SLC14A2: variants seen among roughly 807,000 people sequenced by gnomAD.
The protein encoded by SLC14A2 is solute carrier family 14 member 2, also known as urea transporter 2.
SLC14A2 carries 91 observed loss-of-function variants against 104.6 expected under a neutral mutation model. That is an observed-to-expected ratio of 0.87 (90% CI 0.73 to 1.04). SLC14A2 has a LOEUF of 1.04. Ranked by LOEUF, SLC14A2 falls within the 50% of genes least tolerant of loss-of-function variation. The pLI, the probability that SLC14A2 is intolerant of heterozygous loss-of-function variation, is 0.00. For synonymous variants in SLC14A2, 476 were observed against 466.4 expected (o/e 1.02, Z -0.27); for missense variants, 1,189 against 1,156.0 (o/e 1.03, Z -0.41).
At chr18:45,631,653 G>T (rs2045347563) in intron 4 of SLC14A2, among the ~76,000 whole-genome samples, 4 of 152,216 alleles carry the variant, frequency 2.6e-5, no homozygotes, top group South Asian at 2.1e-4. Flanking sequence ...GTCTTGCTTT[G>T]TCACCCAGGC....
At chr18:45,645,149 G>A (rs921190636) in intron 10 of SLC14A2, among the ~76,000 whole-genome samples, 8 of 152,142 alleles carry the variant, frequency 5.3e-5, no homozygotes, top group Admixed American at 2.6e-4. Context: ...AGTTTGCTGA[G>A]AATGATGGCT....
the SLC14A2 span, among the ~76,000 whole-genome samples, chr18:45,204,435 T>C: frequency 6.6e-6 from 1 of 152,214 alleles, no homozygotes; most frequent in Admixed American, 6.5e-5. Flanking sequence ...GTGGAAACTT[T>C]TGACTGGTCT....
At chr18:45,178,102 C>T in the SLC14A2 span, among the ~76,000 whole-genome samples, 1 of 152,100 alleles carries the variant, frequency 6.6e-6, no homozygotes, top group South Asian at 2.1e-4. Flanking sequence ...CAGGGGTAAT[C>T]AGAAGATTGG....
intron 2 of SLC14A2, among the ~76,000 whole-genome samples, chr18:45,560,374 C>A (rs1599005604): frequency 6.6e-6 from 1 of 152,290 alleles, no homozygotes. Flanking sequence ...CCCAGAATCT[C>A]CTCTCCATCC....
intron 10 of SLC14A2, among the ~76,000 whole-genome samples, chr18:45,653,737 AGAAG>A (rs753557625): frequency 6.6e-6 from 1 of 152,212 alleles, no homozygotes; most frequent in Middle Eastern, 3.4e-3. Context: ...AGCAGGAATC[AGAAG>A]GAAGAAAGGT....
chr18:45,197,650 A>G, the SLC14A2 span, among the ~76,000 whole-genome samples: 1 of 152,194 alleles, frequency 6.6e-6, no homozygotes, highest in Admixed American at 6.5e-5. Context: ...TATAATGAAA[A>G]TGCTGACGCA....
intron 1 of SLC14A2, among the ~76,000 whole-genome samples, chr18:45,413,928 C>T (rs529012530): frequency 7.7e-4 from 117 of 152,004 alleles, no homozygotes; most frequent in Non-Finnish European, 1.1e-3. Flanking sequence ...GAGTGAAAAC[C>T]CCCACAGGTA....
At chr18:45,583,359 A>G (rs2044525002) in intron 2 of SLC14A2, among the ~76,000 whole-genome samples, 1 of 151,948 alleles carries the variant, frequency 6.6e-6, no homozygotes, top group Non-Finnish European at 1.5e-5. Context: ...CCTGCATCTC[A>G]CCCTCATCCA....
chr18:45,371,676 C>G (rs2085724479), intron 1 of SLC14A2, among the ~76,000 whole-genome samples: 1 of 152,202 alleles, frequency 6.6e-6, no homozygotes, highest in Non-Finnish European at 1.5e-5. Flanking sequence ...TCAATGTTTG[C>G]TTACTAACTC....
chr18:45,335,928 G>A (rs557721545), intron 1 of SLC14A2, among the ~76,000 whole-genome samples: 2 of 152,308 alleles, frequency 1.3e-5, no homozygotes, highest in South Asian at 4.1e-4. Context: ...GGCTTCCTCA[G>A]CATCTTTGCA....
chr18:45,363,891 C>T (rs1384787593), intron 1 of SLC14A2, among the ~76,000 whole-genome samples: 3 of 152,040 alleles, frequency 2.0e-5, no homozygotes, highest in East Asian at 1.9e-4. Context: ...AGGTGAGGCT[C>T]GGAGGAGGAA....
upstream of SLC14A2, among the ~76,000 whole-genome samples, chr18:45,208,874 G>T (rs532214476): frequency 3.9e-5 from 6 of 152,020 alleles, no homozygotes; most frequent in East Asian, 1.2e-3. Flanking sequence ...GAGGTAGCAT[G>T]AACATAGAAA....
chr18:45,350,597 G>T (rs1276421574), intron 1 of SLC14A2, among the ~76,000 whole-genome samples: 1 of 152,166 alleles, frequency 6.6e-6, no homozygotes. Context: ...CACACATTAG[G>T]TACCTAATTG....
chr18:45,639,119 C>T (rs1393515574), intron 6 of SLC14A2, among the ~76,000 whole-genome samples: 5 of 152,192 alleles, frequency 3.3e-5, no homozygotes, highest in South Asian at 2.1e-4. Flanking sequence ...ATGCGGTCTT[C>T]GAGAGCAGGG....
intron 1 of SLC14A2, among the ~76,000 whole-genome samples, chr18:45,252,290 G>A (rs1406114791): frequency 6.6e-6 from 1 of 152,168 alleles, no homozygotes; most frequent in Non-Finnish European, 1.5e-5. Context: ...GAAAGATGAG[G>A]ATGAGATGCT....
chr18:45,593,318 CA>C (rs1002306796), intron 2 of SLC14A2, among the ~76,000 whole-genome samples: 39 of 140,138 alleles, frequency 2.8e-4, no homozygotes, highest in African/African-American at 4.2e-4. Flanking sequence ...CTCCGTCTCA[CA>C]AAAAAAAAAG....
At chr18:45,230,422 A>G (rs8098865) in intron 1 of SLC14A2, among the ~76,000 whole-genome samples, 48,208 of 151,962 alleles carry the variant, frequency 0.32, 8,175 homozygotes, top group African/African-American at 0.45. Flanking sequence ...TGTGGGCCCT[A>G]TCTTTCATTT....
chr18:45,452,989 C>T (rs757568054), intron 1 of SLC14A2, among the ~76,000 whole-genome samples: 2 of 152,206 alleles, frequency 1.3e-5, no homozygotes, highest in Non-Finnish European at 2.9e-5. Context: ...TGACCATATA[C>T]TTAGTGTTCA....
At chr18:45,169,574 C>T in the SLC14A2 span, among the ~76,000 whole-genome samples, 1 of 152,168 alleles carries the variant, frequency 6.6e-6, no homozygotes, top group African/African-American at 2.4e-5. Context: ...GTGTATCTCT[C>T]TTTATGACAA....
Sources: gnomAD v4.1 joint callset for allele counts (sites outside exome capture counted in the v4.1 genomes callset) on GRCh38, gnomAD v4.1.1 for gene constraint, MANE v1.5 for transcripts, NCBI Gene and HGNC (gene_info 2026-07-23, HGNC 2026-07-21) for gene names.